The following ZNF44 variants were observed in gnomAD, a reference collection of about 807,000 sequenced individuals.
The protein encoded by ZNF44 is gonadotropin inducible transcription repressor-2.
ZNF44 carries 9 observed loss-of-function variants against 11.7 expected under a neutral mutation model. The ratio of observed to expected loss-of-function variants is 0.77; its 90% CI spans 0.46 to 1.35. The LOEUF is 1.35. Ranked by LOEUF, ZNF44 falls within the 40% of genes most tolerant of loss-of-function variation. The pLI is 0.00. For missense variants in ZNF44, 696 were observed against 743.1 expected, an observed-to-expected ratio of 0.94 and a Z score of 0.74; for synonymous variants, 224 against 242.7, an observed-to-expected ratio of 0.92 and a Z score of 0.72.
intron 5 of ZNF44, among the ~76,000 whole-genome samples, chr19:12,252,565 TAC>T (rs1329822875): frequency 6.6e-6 from 1 of 152,164 alleles, no homozygotes; most frequent in African/African-American, 2.4e-5. Context: ...AACATATAAG[TAC>T]AGTTTATGGA....
At chr19:12,293,358 A>C in intron 1 of ZNF44, 2 of 1,536,754 alleles carry the variant, frequency 1.3e-6, no homozygotes, top group Non-Finnish European at 1.7e-6. Context: ...AGCCCCAGAA[A>C]GTTCCATAAC....
intron 2 of ZNF44, among the ~76,000 whole-genome samples, chr19:12,232,725 T>G (rs1916216911): frequency 6.6e-6 from 1 of 151,246 alleles, no homozygotes; most frequent in African/African-American, 2.5e-5. Flanking sequence ...CAAAATGGAG[T>G]CTCCTATGTC....
chr19:12,243,028 C>T (rs1051605528), downstream of ZNF44, among the ~76,000 whole-genome samples: 12 of 152,104 alleles, frequency 7.9e-5, no homozygotes, highest in African/African-American at 2.4e-4. Context: ...TGCCAAAATA[C>T]GTCATGCAAG....
Position 12,272,892 on chromosome 19 carries a change from T to C in ZNF44, c.1363A>G (p.Lys455Glu), listed in dbSNP as rs1485583811. The change falls in exon 4 of 4, where the codon AAA becomes GAA. Residue 455 changes from lysine to glutamate, a missense_variant. Coordinates refer to ENST00000355684, the MANE Select transcript of ZNF44 (RefSeq NM_016264.4). The part of the protein sequence containing the change: ...GEQPYKCKCG[K>E]AFSDLFSFQS... ...AAGGAAAATAAATCACTAAAAGCTT[T>C]TCCACATTTACATTTATAGGGTTGC... 6.2e-7 allele frequency: 1 copy of C among 1,614,156 alleles called. No individual in the cohort carries two copies. Among genetic ancestry groups the C allele is most frequent in the Admixed American group, 1.7e-5 (1 of 60,030 alleles).
intron 5 of ZNF44, among the ~76,000 whole-genome samples, chr19:12,264,843 G>A (rs191907219): frequency 2.3e-4 from 35 of 152,024 alleles, no homozygotes; most frequent in African/African-American, 8.4e-4. Context: ...CCACAGGCAC[G>A]CACCACTATG....
chr19:12,272,957 G>T lies in ZNF44; in HGVS notation c.1298C>A (p.Ser433Tyr). ...TGTTTCATGTTTTCGAAGGGAACTG[G>T]AAGTACGGAAGGCTTTCCCACATTG... ...CKQCGKAFRT[S>Y]SSLRKHETTH... The change falls in exon 4 of 4, where the codon TCC (serine) becomes TAC (tyrosine). Residue 433 changes from serine to tyrosine, a missense_variant. Ser to Tyr is a moderately radical substitution (Grantham distance 144, BLOSUM62 -2). Coordinates refer to ENST00000355684, the MANE Select transcript of ZNF44 (RefSeq NM_016264.4). 1 of 1,613,572 alleles carries T rather than the reference G, an allele frequency of 6.2e-7. No individual in the cohort carries two copies. Among genetic ancestry groups the T allele is most frequent in the Non-Finnish European group, 8.5e-7 (1 of 1,179,908 alleles).
intron 7 of ZNF44, among the ~76,000 whole-genome samples, chr19:12,249,354 A>C (rs1916894691): frequency 6.6e-6 from 1 of 150,690 alleles, no homozygotes; most frequent in Non-Finnish European, 1.5e-5. Flanking sequence ...AAAATACAAA[A>C]AATTAGCCGG....
rs902446925 is a variant in ZNF44 at position 12,273,125 on chromosome 19, C to T, written c.1130G>A (p.Arg377His). The change falls in exon 4 of 4, where the codon CGC (arginine) becomes CAC (histidine). Residue 377 changes from arginine (R) to histidine (H), a missense_variant. By Grantham distance (29) the Arg-to-His change is conservative. Coordinates refer to ENST00000355684, the MANE Select transcript of ZNF44 (RefSeq NM_016264.4). ...CATCATGTGTCTTCGAAAGCTTGAG[C>T]GATGAGATAACAATTTCCCACATTG... ...CKQCGKLLSH[R>H]SSFRRHMMAH... The T allele has an allele frequency of 7.4e-6, 12 of 1,613,662 alleles. 1 individual carries two copies. Among genetic ancestry groups the T allele is most frequent in the Admixed American group, 3.3e-5 (2 of 60,004 alleles).
At position 12,275,991 on chromosome 19, in the gene ZNF44, A is replaced by C; in HGVS notation, c.95T>G (p.Val32Gly). The change falls in exon 2 of 4, where the codon GTG becomes GGG. Residue 32 changes from valine (V) to glycine (G), a missense_variant. Physicochemically the swap from Val to Gly is moderately radical, Grantham distance 109. Transcript: ENST00000355684. Reference protein sequence around the residue: ...GPSQKNLYRDVMRETIRNLNC... With the variant: ...GPSQKNLYRDGMRETIRNLNC... ...CAGGTTCCTAATGGTTTCTCGCATC[A>C]CATCTCTGTAGAGATTCTTCTGTGA... 1 of 1,608,920 alleles carries C rather than the reference A, an allele frequency of 6.2e-7. No homozygotes were observed. The highest frequency in any genetic ancestry group is 8.5e-7 in the Non-Finnish European group (1 of 1,176,460).
chr19:12,261,821 A>G (rs894418910), intron 5 of ZNF44, among the ~76,000 whole-genome samples: 2 of 152,178 alleles, frequency 1.3e-5, no homozygotes, highest in East Asian at 3.8e-4. Flanking sequence ...TCTAGCAGTA[A>G]GTTTTCTCAA....
chr19:12,232,440 G>T (rs1916203439), intron 2 of ZNF44, among the ~76,000 whole-genome samples: 1 of 152,192 alleles, frequency 6.6e-6, no homozygotes, highest in Admixed American at 6.5e-5. Context: ...ACTATCACAT[G>T]GGGAGAAACC....
At chr19:12,247,560 T>C, downstream of ZNF44, 1 of 1,345,408 alleles carries the variant, frequency 7.4e-7, no homozygotes, top group South Asian at 1.2e-5. Flanking sequence ...TTCATGTATC[T>C]GGAAACCTGC....
intron 1 of ZNF44, among the ~76,000 whole-genome samples, chr19:12,278,947 G>T (rs968844136): frequency 2.0e-5 from 3 of 152,172 alleles, no homozygotes; most frequent in Non-Finnish European, 2.9e-5. Context: ...GAAAGAGAAG[G>T]CTACAGTAGT....
intron 5 of ZNF44, among the ~76,000 whole-genome samples, chr19:12,256,231 A>G (rs1013149903): frequency 3.3e-5 from 5 of 152,136 alleles, no homozygotes; most frequent in Admixed American, 6.6e-5. Context: ...CTCCAGCAGA[A>G]CAAAGAACAA....
At chr19:12,292,804 A>G (rs1376675567) in intron 1 of ZNF44, among the ~76,000 whole-genome samples, 1 of 151,856 alleles carries the variant, frequency 6.6e-6, no homozygotes, top group Non-Finnish European at 1.5e-5. Flanking sequence ...TGCGTCACCA[A>G]GGAATGGAAA....
chr19:12,272,117 C>T lies in ZNF44; in HGVS notation c.*290G>A. ...GTTCAAGGGATTCTCCTGCCTCAGC[C>T]TCCTGAGTAGCTAGGACTACAGGTG... On this transcript the variant is annotated 3_prime_UTR_variant, in exon 4 of 4. Transcript: ENST00000355684. 4.3e-6 allele frequency: 1 copy of T among 235,290 alleles called. No individual in the cohort carries two copies. 14.6% of individuals were successfully genotyped at this position (235,290 alleles called of 1,614,324 possible). A position where few individuals can be genotyped will look rare whatever the true frequency, so the allele number is the denominator to read the frequency against.
Position 12,272,807 on chromosome 19 carries a change from T to C in ZNF44, c.1448A>G (p.Lys483Arg). 1.2e-6 allele frequency: 2 copies of C among 1,613,944 alleles called. No individual in the cohort carries two copies. The highest frequency in any genetic ancestry group is 1.1e-5 in the South Asian group (1 of 91,074). ...AAAGTATTTAAAAGAACTAAATGCTTTCCCACACTCCTTACATTCATAAGG... is the reference window on the plus strand; with the variant it reads ...AAAGTATTTAAAAGAACTAAATGCTCTCCCACACTCCTTACATTCATAAGG... Reference protein sequence around the residue: ...EEPYECKECGKAFSSFKYFCR... With the variant: ...EEPYECKECGRAFSSFKYFCR... Residue 483 changes from lysine (K) to arginine (R), a missense_variant, in exon 4 of 4, where the codon AAA (lysine) becomes AGA (arginine). By Grantham distance (26) the Lys-to-Arg change is conservative. Transcript: ENST00000355684.
chr19:12,285,744 C>T (rs1300172750), intron 1 of ZNF44, among the ~76,000 whole-genome samples: 2 of 152,102 alleles, frequency 1.3e-5, no homozygotes, highest in Non-Finnish European at 2.9e-5. Context: ...CCTGGCCAGG[C>T]GCGGTGGCTC....
At chr19:12,266,394 G>C (rs1450717004) in intron 5 of ZNF44, 4 of 958,082 alleles carry the variant, frequency 4.2e-6, no homozygotes, top group Non-Finnish European at 5.0e-6. Flanking sequence ...AGCCGAGAGC[G>C]ACCCGAGGGC....
Sources: gnomAD v4.1 joint callset for allele counts (sites outside exome capture counted in the v4.1 genomes callset) on GRCh38, gnomAD v4.1.1 for gene constraint, MANE v1.5 for transcripts, NCBI Gene and HGNC (gene_info 2026-07-23, HGNC 2026-07-21) for gene names.